Variants in GNAI1 observed in about 807,000 individuals in gnomAD.
GNAI1 encodes G protein subunit alpha i1.
GNAI1 carries 11 observed loss-of-function variants against 38.9 expected under a neutral mutation model. That is an observed-to-expected ratio of 0.28 (90% CI 0.18 to 0.47). The LOEUF (loss-of-function observed/expected upper bound fraction) is 0.47, where lower values mean the gene tolerates loss of function less well. Ranked by LOEUF, GNAI1 falls within the 20% of genes least tolerant of loss-of-function variation. GNAI1 has a pLI of 0.99. For missense variants in GNAI1, 317 were observed against 436.9 expected, an observed-to-expected ratio of 0.73 and a Z score of 2.45; for synonymous variants, 166 against 145.1, an observed-to-expected ratio of 1.14 and a Z score of -1.04.
chr7:80,181,386 A>G (rs1467019685), intron 1 of GNAI1, among the ~76,000 whole-genome samples: 2 of 152,254 alleles, frequency 1.3e-5, no homozygotes, highest in Non-Finnish European at 2.9e-5. Flanking sequence ...GACACCCTTC[A>G]AACATATGGT....
chr7:80,203,318 T>A (rs1788720229), intron 4 of GNAI1, among the ~76,000 whole-genome samples: 2 of 152,018 alleles, frequency 1.3e-5, no homozygotes, highest in South Asian at 4.1e-4. Flanking sequence ...AAAAAAAGAA[T>A]GATGTCTGGA....
chr7:80,135,321 G>C (rs1787390440), intron 1 of GNAI1, 43 bp downstream of exon 1: 1 of 1,180,302 alleles, frequency 8.5e-7, no homozygotes, highest in Non-Finnish European at 1.1e-6. Context: ...GCGGGGGACC[G>C]GGTGCGGCGC....
At chr7:80,194,366 T>A (rs549381817) in intron 3 of GNAI1, among the ~76,000 whole-genome samples, 1 of 152,334 alleles carries the variant, frequency 6.6e-6, no homozygotes, top group African/African-American at 2.4e-5. Flanking sequence ...TATGTGTGTA[T>A]GTATTAACTC....
chr7:80,200,324 C>CAGAAAAAAAAAAAAAAAAA (rs1788658439), intron 4 of GNAI1, among the ~76,000 whole-genome samples: 1 of 40,376 alleles, frequency 2.5e-5, no homozygotes, highest in African/African-American at 1.7e-4. Context: ...GGCCATGTCT[C>CAGAAAAAAAAAAAAAAAAA]AAAAAAAAAA....
At chr7:80,139,445 T>G (rs1162824110) in intron 1 of GNAI1, among the ~76,000 whole-genome samples, 2 of 152,206 alleles carry the variant, frequency 1.3e-5, no homozygotes, top group Admixed American at 1.3e-4. Flanking sequence ...AAACAGAAAC[T>G]GTTGGCACAT....
intron 3 of GNAI1, among the ~76,000 whole-genome samples, chr7:80,189,564 C>G (rs886204124): frequency 2.6e-5 from 4 of 152,154 alleles, no homozygotes; most frequent in Non-Finnish European, 5.9e-5. Flanking sequence ...TACCCTGGCC[C>G]TCTTCAAAAT....
At chr7:80,145,173 T>C (rs1018427883) in intron 1 of GNAI1, among the ~76,000 whole-genome samples, 17 of 152,222 alleles carry the variant, frequency 1.1e-4, no homozygotes, top group Non-Finnish European at 1.5e-4. Flanking sequence ...AAGTAATTTT[T>C]AATCTATTTT....
At chr7:80,199,148 C>A in intron 3 of GNAI1, 77 bp from the exon 4 acceptor site, 4 of 963,810 alleles carry the variant, frequency 4.2e-6, no homozygotes, top group Non-Finnish European at 6.0e-6. Context: ...TTTTTTTTAA[C>A]TCTAGAATTG....
Position 80,221,636 on chromosome 7 carries a change from CTTTTTTTTTTT to C in GNAI1, c.*4158_*4168del, listed in dbSNP as rs71518978. Among the ~76,000 whole-genome samples, 92 of 94,364 alleles carry C rather than the reference CTTTTTTTTTTT, an allele frequency of 9.7e-4. 1 individual carries two copies. In the Middle Eastern group the frequency reaches 0.043, roughly 45 times the overall value. 61.9% of individuals were successfully genotyped at this position (94,364 alleles called of 152,430 possible). A position where few individuals can be genotyped will look rare whatever the true frequency, so the allele number is the denominator to read the frequency against. On this transcript the variant is annotated 3_prime_UTR_variant, in exon 8 of 8. Transcript: ENST00000649796. The stretch of plus-strand genomic sequence containing the variant: ...ATTTTAATGTTAGGTTGGAAATTTT[CTTTTTTTTTTT>C]TTTTTTTTTTTTTTGGTATGGAGTC...
chr7:80,200,333 A>AAAAAAAAAAAAAAC (rs1788660162), intron 4 of GNAI1, among the ~76,000 whole-genome samples: 1 of 149,606 alleles, frequency 6.7e-6, no homozygotes, highest in Non-Finnish European at 1.5e-5. Context: ...TCAAAAAAAA[A>AAAAAAAAAAAAAAC]AAAAAAAAAA....
intron 1 of GNAI1, among the ~76,000 whole-genome samples, chr7:80,159,065 T>G (rs528900487): frequency 1.8e-4 from 27 of 152,280 alleles, no homozygotes; most frequent in Non-Finnish European, 3.7e-4. Flanking sequence ...CTTGTGGCCT[T>G]GAAGAGTTGC....
chr7:80,141,622 T>C (rs1490791664), intron 1 of GNAI1, among the ~76,000 whole-genome samples: 1 of 152,214 alleles, frequency 6.6e-6, no homozygotes, highest in Non-Finnish European at 1.5e-5. Context: ...GTGTAGCACC[T>C]GTATGCTGCT....
At chr7:80,144,098 A>G (rs1011549183) in intron 1 of GNAI1, among the ~76,000 whole-genome samples, 1 of 152,188 alleles carries the variant, frequency 6.6e-6, no homozygotes, top group African/African-American at 2.4e-5. Context: ...CCAGGTAAAT[A>G]TCTGTGCTGT....
chr7:80,189,225 C>T lies in GNAI1; in HGVS notation c.297C>T (p.Ala99=), dbSNP rs751242864. ...GRLKIDFGDS[A]RADDARQLFV... is the part of the protein sequence containing the mutation. The stretch of plus-strand genomic sequence containing the variant: ...TGAAGATAGACTTTGGTGACTCAGC[C>T]CGGGCGGTAAGTTATTAAATTTGTT... Residue 99 remains alanine, a synonymous_variant, in exon 3 of 8, where the codon GCC becomes GCT. Coordinates refer to ENST00000649796, the MANE Select transcript of GNAI1 (RefSeq NM_002069.6). 25 of 1,610,362 alleles carry T rather than the reference C, an allele frequency of 1.6e-5. No individual in the cohort carries two copies. The highest frequency in any genetic ancestry group is 2.0e-5 in the Non-Finnish European group (24 of 1,178,940).
chr7:80,148,424 C>T (rs1274210685), intron 1 of GNAI1, among the ~76,000 whole-genome samples: 1 of 151,940 alleles, frequency 6.6e-6, no homozygotes, highest in East Asian at 1.9e-4. Flanking sequence ...TTTGGAGAAT[C>T]GGTAGGACTT....
intron 1 of GNAI1, among the ~76,000 whole-genome samples, chr7:80,156,797 CT>C (rs1336519750): frequency 2.0e-5 from 3 of 152,050 alleles, no homozygotes; most frequent in Non-Finnish European, 2.9e-5. Context: ...TTTTGACAGA[CT>C]TTATTTTTTA....
chr7:80,217,029 A>C lies in GNAI1; in HGVS notation c.875-274A>C, dbSNP rs142665574. ...TAAAAGATCTGGCATTTGAGGATTG[A>C]GGCAGGAACAAAGATCATGATGAAC... On this transcript the variant is annotated intron_variant, in intron 7 of 7. Coordinates refer to ENST00000649796, the MANE Select transcript of GNAI1 (RefSeq NM_002069.6). Among the ~76,000 whole-genome samples the C allele has an allele frequency of 1.1e-4, 16 of 152,250 alleles. No individual in the cohort carries two copies. In the East Asian group the frequency reaches 3.1e-3, roughly 30 times the overall value.
At chr7:80,161,746 A>T (rs368890195) in intron 1 of GNAI1, among the ~76,000 whole-genome samples, 4 of 152,264 alleles carry the variant, frequency 2.6e-5, no homozygotes, top group African/African-American at 9.6e-5. Flanking sequence ...ACTAATAGGA[A>T]GTTGAGTCCA....
intron 3 of GNAI1, among the ~76,000 whole-genome samples, chr7:80,190,633 G>C (rs1361487916): frequency 1.3e-5 from 2 of 151,890 alleles, no homozygotes; most frequent in Non-Finnish European, 2.9e-5. Flanking sequence ...TGCACAGTAG[G>C]GAACCATGCT....
Sources: allele counts gnomAD v4.1 joint callset (sites outside exome capture counted in the v4.1 genomes callset), GRCh38; gene constraint gnomAD v4.1.1; transcripts MANE v1.5; gene names NCBI Gene and HGNC (gene_info 2026-07-23, HGNC 2026-07-21).